LRRC14: variants seen among roughly 807,000 people sequenced by gnomAD.
LRRC14 encodes leucine-rich repeat-containing protein 14.
Under a neutral mutation model 25.3 loss-of-function variants are expected in LRRC14, and 16 were observed. The observed-to-expected ratio is 0.63, with a 90% CI of 0.43 to 0.96. LRRC14 has a LOEUF of 0.96. LRRC14 is among the 40% of genes least tolerant of loss of function. The pLI is 0.00. For synonymous variants in LRRC14, 359 were observed against 295.1 expected, an observed-to-expected ratio of 1.22 and a Z score of -2.22; for missense variants, 594 against 660.5, an observed-to-expected ratio of 0.90 and a Z score of 1.10.
Position 144,524,001 on chromosome 8 carries a change from T to G in LRRC14, c.*2523T>G. 1 of 1,338,192 alleles carries G rather than the reference T, an allele frequency of 7.5e-7. No individual in the cohort carries two copies. The highest frequency in any genetic ancestry group is 1.0e-6 in the Non-Finnish European group (1 of 972,854). The allele number at this position is 1,338,192 out of a possible 1,614,324, so 82.9% of individuals were successfully genotyped here. ...TGTGGCTGCAGGCGGTGGTGCAGCCTTCCAGACTGCTGCCCAGTTGCCTGA... is the reference window on the plus strand; with the variant it reads ...TGTGGCTGCAGGCGGTGGTGCAGCCGTCCAGACTGCTGCCCAGTTGCCTGA... On this transcript the variant is annotated 3_prime_UTR_variant, in exon 4 of 4. Coordinates refer to ENST00000292524, the MANE Select transcript of LRRC14 (RefSeq NM_014665.4).
At position 144,524,446 on chromosome 8, in the gene LRRC14, G is replaced by C; in HGVS notation, c.*2968G>C. ...TTTAGACCCCAGGCGCTCACCGGCA[G>C]GTGCAAGAAGGTGAAATCCAGCAGC... On this transcript the variant is annotated 3_prime_UTR_variant, in exon 4 of 4. Coordinates refer to ENST00000292524, the MANE Select transcript of LRRC14 (RefSeq NM_014665.4). 6.3e-7 allele frequency: 1 copy of C among 1,597,936 alleles called. No individual in the cohort carries two copies. Among genetic ancestry groups the C allele is most frequent in the Admixed American group, 1.7e-5 (1 of 59,956 alleles).
At position 144,523,686 on chromosome 8, in the gene LRRC14, G is replaced by A. The variant is rs1046647764; in HGVS notation, c.*2208G>A. 6.9e-6 allele frequency: 3 copies of A among 435,892 alleles called. No individual in the cohort carries two copies. Among genetic ancestry groups the A allele is most frequent in the African/African-American group, 4.1e-5 (2 of 48,900 alleles). The allele number at this position is 435,892 out of a possible 1,614,324, so 27.0% of individuals were successfully genotyped here. The stretch of plus-strand genomic sequence containing the variant: ...AAGCACCTGCTCCTTAAGTCTTCCT[G>A]CAACAAGTGCCACTGTTTTTAGGAA... On this transcript the variant is annotated 3_prime_UTR_variant, in exon 4 of 4. Transcript: ENST00000292524.
In LRRC14 at chr8:144,520,841, T is replaced by C; in HGVS notation, c.914+19T>C. 1 of 1,593,644 alleles carries C rather than the reference T, an allele frequency of 6.3e-7. No homozygotes were observed. The highest frequency in any genetic ancestry group is 1.7e-4 in the Middle Eastern group (1 of 6,032). ...TGCTCAGGTGAGCGGGCCCCACCAC[T>C]GCCCTGCCCCTCCCTTCTGTAGGGA... On this transcript the variant is annotated intron_variant, in intron 3 of 3. Transcript: ENST00000292524.
In LRRC14 at chr8:144,524,774, C is replaced by G. The variant is rs142427031; in HGVS notation, c.*3296C>G. 2 of 1,436,078 alleles carry G rather than the reference C, an allele frequency of 1.4e-6. No individual in the cohort carries two copies. The highest frequency in any genetic ancestry group is 3.0e-5 in the African/African-American group (2 of 67,766). 89.0% of individuals were successfully genotyped at this position (1,436,078 alleles called of 1,614,324 possible). On this transcript the variant is annotated 3_prime_UTR_variant, in exon 4 of 4. Transcript: ENST00000292524. ...CCCCGTTGCGGGGGTCTTCCTCTCC[C>G]TGGGGGCACCCCGTCCTCCCGCAGC...
Position 144,521,602 on chromosome 8 carries a change from C to A in LRRC14, c.*124C>A. On this transcript the variant is annotated 3_prime_UTR_variant, in exon 4 of 4. Coordinates refer to ENST00000292524, the MANE Select transcript of LRRC14 (RefSeq NM_014665.4). Reference sequence around the variant, plus strand: ...GTTACTGGTTTCCTGCTGGGTCTACCTTGCTTCTGGGCACACCTCAAGCCT... The same window carrying A: ...GTTACTGGTTTCCTGCTGGGTCTACATTGCTTCTGGGCACACCTCAAGCCT... The A allele has an allele frequency of 9.6e-7, 1 of 1,043,104 alleles. No individual in the cohort carries two copies. The highest frequency in any genetic ancestry group is 1.4e-6 in the Non-Finnish European group (1 of 738,696). The allele number at this position is 1,043,104 out of a possible 1,614,324, so 64.6% of individuals were successfully genotyped here. A position where few individuals can be genotyped will look rare whatever the true frequency, so the allele number is the denominator to read the frequency against.
Position 144,521,414 on chromosome 8 carries a change from G to A in LRRC14, c.1418G>A (p.Arg473His), listed in dbSNP as rs371710047. The change falls in exon 4 of 4, where the codon CGT becomes CAT. Residue 473 changes from arginine to histidine, a missense_variant. Physicochemically the swap from Arg to His is conservative, Grantham distance 29. Coordinates refer to ENST00000292524, the MANE Select transcript of LRRC14 (RefSeq NM_014665.4). ...CACCAGCTGCTTCTAGCCTCAGGCCGTGCCCATGTGCTCTGGACCACGGAC... is the reference window on the plus strand; with the variant it reads ...CACCAGCTGCTTCTAGCCTCAGGCCATGCCCATGTGCTCTGGACCACGGAC... ...ELHQLLLASG[R>H]AHVLWTTDIY... 10 of 1,610,494 alleles carry A rather than the reference G, an allele frequency of 6.2e-6. No homozygotes were observed. Among genetic ancestry groups the A allele is most frequent in the Non-Finnish European group, 8.5e-6 (10 of 1,179,988 alleles).
chr8:144,519,576 C>G, intron 1 of LRRC14, 39 bp from the exon 2 acceptor site: 1 of 689,100 alleles, frequency 1.5e-6, no homozygotes, highest in East Asian at 2.7e-5. Context: ...AGGTGCTTCT[C>G]TGTGCCATGG....
In LRRC14 at chr8:144,523,021, G is replaced by A. The variant is rs1816187662; in HGVS notation, c.*1543G>A. ...CGGCGTGCGCCAGCGTGATGTTGCT[G>A]AGGAAGAGCATGCCGCTGCCCGTGT... On this transcript the variant is annotated 3_prime_UTR_variant, in exon 4 of 4. Transcript: ENST00000292524. The A allele has an allele frequency of 1.3e-6, 2 of 1,599,474 alleles. No homozygotes were observed. Among genetic ancestry groups the A allele is most frequent in the South Asian group, 1.1e-5 (1 of 90,514 alleles).
At position 144,524,992 on chromosome 8, in the gene LRRC14, C is replaced by G. The variant is rs1397683440; in HGVS notation, c.*3514C>G. 1 of 1,431,236 alleles carries G rather than the reference C, an allele frequency of 7.0e-7. No individual in the cohort carries two copies. Among genetic ancestry groups the G allele is most frequent in the Non-Finnish European group, 9.1e-7 (1 of 1,094,870 alleles). 88.7% of individuals were successfully genotyped at this position (1,431,236 alleles called of 1,614,324 possible). ...AGGGCCATCTCCCGAGGCCCGGTTC[C>G]TCACCGGCCCTTCCGCGGTTCAGCC... On this transcript the variant is annotated 3_prime_UTR_variant, in exon 4 of 4. Transcript: ENST00000292524.
intron 1 of LRRC14, chr8:144,519,266 A>T (rs1815776258): frequency 4.9e-6 from 1 of 202,248 alleles, no homozygotes; most frequent in Admixed American, 5.2e-5. Flanking sequence ...GACTCCTTAG[A>T]GTGTCCCGTC....
chr8:144,523,998 G>T lies in LRRC14; in HGVS notation c.*2520G>T. 1 of 1,296,616 alleles carries T rather than the reference G, an allele frequency of 7.7e-7. No individual in the cohort carries two copies. The highest frequency in any genetic ancestry group is 1.1e-6 in the Non-Finnish European group (1 of 938,752). 80.3% of individuals were successfully genotyped at this position (1,296,616 alleles called of 1,614,324 possible). A position where few individuals can be genotyped will look rare whatever the true frequency, so the allele number is the denominator to read the frequency against. ...CAGTGTGGCTGCAGGCGGTGGTGCAGCCTTCCAGACTGCTGCCCAGTTGCC... is the reference window on the plus strand; with the variant it reads ...CAGTGTGGCTGCAGGCGGTGGTGCATCCTTCCAGACTGCTGCCCAGTTGCC... On this transcript the variant is annotated 3_prime_UTR_variant, in exon 4 of 4. Transcript: ENST00000292524.
rs925971153 is a variant in LRRC14, at chr8:144,522,567, G to C, written c.*1089G>C. The C allele has an allele frequency of 3.3e-5, 51 of 1,551,306 alleles. No homozygotes were observed. Among genetic ancestry groups the C allele is most frequent in the Non-Finnish European group, 4.3e-5 (50 of 1,151,006 alleles). On this transcript the variant is annotated 3_prime_UTR_variant, in exon 4 of 4. Coordinates refer to ENST00000292524, the MANE Select transcript of LRRC14 (RefSeq NM_014665.4). ...CCGCAGTCAGCGGGCGCCTCCGCCGGACCCTCGGCGAAGAGCGGCTTGGAG... is the reference window on the plus strand; with the variant it reads ...CCGCAGTCAGCGGGCGCCTCCGCCGCACCCTCGGCGAAGAGCGGCTTGGAG...
rs752611760 is a variant in LRRC14 at position 144,521,332 on chromosome 8, G to A, written c.1336G>A (p.Val446Ile). The change falls in exon 4 of 4, where the codon GTC becomes ATC. Residue 446 changes from valine (V) to isoleucine (I), a missense_variant. Transcript: ENST00000292524. ...EGLPWPPPAS[V>I]LLEASINEEK... ...CTTGCCCTGGCCGCCGCCTGCCTCT[G>A]TCCTGCTGGAGGCCTCCATCAATGA... 39 of 1,613,072 alleles carry A rather than the reference G, an allele frequency of 2.4e-5. No individual in the cohort carries two copies. The highest frequency in any genetic ancestry group is 3.1e-5 in the Non-Finnish European group (37 of 1,180,018).
rs573909145 is a variant in LRRC14 at position 144,520,267 on chromosome 8, C to G, written c.359C>G (p.Thr120Arg). The change falls in exon 3 of 4, where the codon ACG (threonine) becomes AGG (arginine). Residue 120 changes from threonine to arginine, a missense_variant. Coordinates refer to ENST00000292524, the MANE Select transcript of LRRC14 (RefSeq NM_014665.4). ...RKHALRVLDM[T>R]GLLDDGVEQD... Reference sequence around the variant, plus strand: ...CATGCGCTGCGGGTGCTGGACATGACGGGCCTCTTGGATGATGGTGTGGAA... The same window carrying G: ...CATGCGCTGCGGGTGCTGGACATGAGGGGCCTCTTGGATGATGGTGTGGAA... 6.2e-7 allele frequency: 1 copy of G among 1,610,596 alleles called. No individual in the cohort carries two copies.
chr8:144,519,121 C>G (rs1815748039), intron 1 of LRRC14: 1 of 156,900 alleles, frequency 6.4e-6, no homozygotes, highest in South Asian at 1.9e-4. Flanking sequence ...TTCCCTGGGT[C>G]TCGGTCTTTT....
At chr8:144,518,107 C>G (rs564232544) in intron 1 of LRRC14, 66 bp downstream of exon 1, 184 of 176,514 alleles carry the variant, frequency 1.0e-3, no homozygotes, top group Non-Finnish European at 1.6e-3. Context: ...TGCCTGGCCT[C>G]AAGGGGCGGG....
At chr8:144,520,188 G>T in intron 2 of LRRC14, 50 bp from the exon 3 acceptor site, 1 of 1,585,134 alleles carries the variant, frequency 6.3e-7, no homozygotes, top group South Asian at 1.1e-5. Flanking sequence ...GCTGGGAGGG[G>T]GTATGGGCGC....
Position 144,520,925 on chromosome 8 carries a change from CCCTGGAGAGCCT to C in LRRC14, c.930_941del (p.Leu311_Leu314del). 6.2e-7 allele frequency: 1 copy of C among 1,611,244 alleles called. No individual in the cohort carries two copies. The highest frequency in any genetic ancestry group is 1.3e-5 in the African/African-American group (1 of 75,044). ...GTCCCCTGTAGCACCCTGCAGAGCC[CCCTGGAGAGCCT>C]GGAGTTGGCCTTCTGTGCTCTGCTG... On this transcript the variant is annotated inframe_deletion, in exon 4 of 4. Coordinates refer to ENST00000292524, the MANE Select transcript of LRRC14 (RefSeq NM_014665.4).
chr8:144,520,500 C>G lies in LRRC14; in HGVS notation c.592C>G (p.Arg198Gly). 6 of 1,598,754 alleles carry G rather than the reference C, an allele frequency of 3.8e-6. No individual in the cohort carries two copies. Among genetic ancestry groups the G allele is most frequent in the Non-Finnish European group, 5.1e-6 (6 of 1,178,704 alleles). Residue 198 changes from arginine (R) to glycine (G), a missense_variant, in exon 3 of 4, where the codon CGG becomes GGG. Arg to Gly is a moderately radical substitution (Grantham distance 125). Transcript: ENST00000292524. ...GGGCAGCCCGCTGCGGCTCTGCTGC[C>G]GGGACCTGCGAGCTGAGGACCTGCC... The part of the protein sequence containing the change: ...SVGSPLRLCC[R>G]DLRAEDLPMR...
Sources: allele counts gnomAD v4.1 joint callset, GRCh38; gene constraint gnomAD v4.1.1; transcripts MANE v1.5; gene names NCBI Gene and HGNC (gene_info 2026-07-23, HGNC 2026-07-21).